The following GLIS3 variants were observed in gnomAD, a reference collection of about 807,000 sequenced individuals.
GLIS3 encodes the protein zinc finger protein GLIS3.
A neutral mutation model predicts 78.6 loss-of-function variants in GLIS3; 53 were observed. That is an observed-to-expected ratio of 0.67 (90% confidence interval 0.54 to 0.85). The LOEUF (loss-of-function observed/expected upper bound fraction) is 0.85, where lower values mean the gene tolerates loss of function less well. Among genes scored for constraint, GLIS3 ranks in the 40% least tolerant of loss-of-function variants. GLIS3 has a pLI of 0.00. For missense variants in GLIS3, 1,703 were observed against 1,231.1 expected (o/e 1.38, Z -5.74); for synonymous variants, 684 against 509.9 (o/e 1.34, Z -4.60).
the GLIS3 span, among the ~76,000 whole-genome samples, chr9:4,397,391 A>G: frequency 1.5e-3 from 221 of 151,678 alleles, no homozygotes; most frequent in Admixed American, 2.7e-3. Context: ...AAGTTTGAAG[A>G]TATTTTCCAA....
chr9:4,300,657 C>G (rs561144377), upstream of GLIS3, among the ~76,000 whole-genome samples: 18 of 152,130 alleles, frequency 1.2e-4, no homozygotes, highest in Non-Finnish European at 2.2e-4. Context: ...TATGTTACGT[C>G]TATAAAGTGG....
At chr9:4,073,607 T>C (rs1827800851) in intron 4 of GLIS3, among the ~76,000 whole-genome samples, 1 of 152,124 alleles carries the variant, frequency 6.6e-6, no homozygotes, top group Non-Finnish European at 1.5e-5. Flanking sequence ...TGGTGGTTCA[T>C]GAAAAGGCGG....
intron 4 of GLIS3, among the ~76,000 whole-genome samples, chr9:4,091,151 T>C (rs1336709168): frequency 6.6e-6 from 1 of 152,048 alleles, no homozygotes; most frequent in Non-Finnish European, 1.5e-5. Context: ...GTCCAGGAGG[T>C]GGAGACCAGC....
the GLIS3 span, among the ~76,000 whole-genome samples, chr9:4,394,968 A>G: frequency 6.6e-6 from 1 of 152,242 alleles, no homozygotes; most frequent in African/African-American, 2.4e-5. Context: ...TATGAGTGCT[A>G]TTCTTGCACT....
chr9:4,154,447 T>A (rs1834904691), intron 2 of GLIS3, among the ~76,000 whole-genome samples: 1 of 152,230 alleles, frequency 6.6e-6, no homozygotes, highest in South Asian at 2.1e-4. Flanking sequence ...TTACTTCATT[T>A]TAGGATGCAG....
intron 2 of GLIS3, among the ~76,000 whole-genome samples, chr9:4,272,995 A>C (rs1826655406): frequency 6.6e-6 from 1 of 152,242 alleles, no homozygotes; most frequent in Non-Finnish European, 1.5e-5. Flanking sequence ...ACTTTATTTC[A>C]CCTCAGTGCA....
At chr9:4,020,297 G>T (rs984087336) in intron 4 of GLIS3, among the ~76,000 whole-genome samples, 2 of 151,778 alleles carry the variant, frequency 1.3e-5, no homozygotes, top group African/African-American at 4.8e-5. Flanking sequence ...TGTTTGTTTT[G>T]TTTTTTTTGT....
chr9:4,338,367 TACAC>T (rs556724177), intron 2 of GLIS3, among the ~76,000 whole-genome samples: 8 of 131,716 alleles, frequency 6.1e-5, no homozygotes, highest in South Asian at 2.6e-4. Context: ...TATATGTGTG[TACAC>T]ACACACACAC....
chr9:4,093,687 G>C lies in GLIS3; in HGVS notation c.1710+24081C>G, dbSNP rs151044612. On this transcript the variant is annotated intron_variant, in intron 4 of 10. Coordinates refer to ENST00000381971, the MANE Select transcript of GLIS3 (RefSeq NM_001042413.2). ...CTTATCACAGGACAAGGCACCTTCA[G>C]CTTCCTTGCTAACCCACTGGCTGAG... 4.6e-5 allele frequency among the ~76,000 whole-genome samples: 7 copies of C among 152,314 alleles called. No individual in the cohort carries two copies. In the East Asian group the frequency reaches 1.3e-3, roughly 29 times the overall value.
At chr9:4,414,748 C>T in the GLIS3 span, among the ~76,000 whole-genome samples, 20 of 152,124 alleles carry the variant, frequency 1.3e-4, no homozygotes, top group South Asian at 4.2e-4. Context: ...TTGTTTTAGC[C>T]AGACTCTCCC....
the GLIS3 span, among the ~76,000 whole-genome samples, chr9:4,381,718 ATCCTG>A: frequency 1.3e-5 from 2 of 152,034 alleles, no homozygotes; most frequent in Non-Finnish European, 2.9e-5. Context: ...ACCTTATTCC[ATCCTG>A]TCTGTATTGC....
the GLIS3 span, among the ~76,000 whole-genome samples, chr9:4,437,420 G>GTATC: frequency 0.075 from 9,504 of 126,818 alleles, 337 homozygotes; most frequent in Middle Eastern, 0.1. Flanking sequence ...ATGTATGTAT[G>GTATC]TATCTATCTA....
intron 2 of GLIS3, among the ~76,000 whole-genome samples, chr9:4,251,211 T>C (rs910294165): frequency 2.6e-5 from 4 of 152,158 alleles, no homozygotes; most frequent in Non-Finnish European, 4.4e-5. Context: ...TGTGCTGTTA[T>C]AGTCTCCCAC....
chr9:3,923,414 A>G (rs906248907), intron 6 of GLIS3, among the ~76,000 whole-genome samples: 6 of 152,186 alleles, frequency 3.9e-5, no homozygotes, highest in African/African-American at 1.4e-4. Context: ...GAGCATAGAG[A>G]CGAATATAGT....
chr9:4,470,736 G>C, the GLIS3 span, among the ~76,000 whole-genome samples: 5 of 152,002 alleles, frequency 3.3e-5, no homozygotes, highest in Non-Finnish European at 2.9e-5. Context: ...TCAACATAGT[G>C]TTGGAAGTTC....
chr9:4,405,674 A>G, the GLIS3 span, among the ~76,000 whole-genome samples: 1 of 152,156 alleles, frequency 6.6e-6, no homozygotes, highest in Non-Finnish European at 1.5e-5. Flanking sequence ...ACCCTACTCA[A>G]ACTGTTCTGA....
intron 8 of GLIS3, among the ~76,000 whole-genome samples, chr9:3,860,187 A>C (rs1820093750): frequency 6.9e-6 from 1 of 145,268 alleles, no homozygotes; most frequent in East Asian, 2.2e-4. Context: ...AGGCAGGAGA[A>C]TGGCGTGAAT....
In GLIS3 at chr9:3,826,187, T is replaced by C. The variant is rs1817717129; in HGVS notation, c.*2085A>G. 1 of 152,266 alleles carries C rather than the reference T, an allele frequency of 6.6e-6. No individual in the cohort carries two copies. The highest frequency in any genetic ancestry group is 2.4e-5 in the African/African-American group (1 of 41,486). The allele number at this position is 152,266 out of a possible 1,614,324, so 9.4% of individuals were successfully genotyped here. Reference sequence around the variant, plus strand: ...TGCCTTTTCATCTTTTTTCTCATTGTACAAATGAAATGAAATGTATTTTGA... The same window carrying C: ...TGCCTTTTCATCTTTTTTCTCATTGCACAAATGAAATGAAATGTATTTTGA... On this transcript the variant is annotated 3_prime_UTR_variant, in exon 11 of 11. Coordinates refer to ENST00000381971, the MANE Select transcript of GLIS3 (RefSeq NM_001042413.2).
chr9:4,389,325 C>T, the GLIS3 span, among the ~76,000 whole-genome samples: 1 of 152,188 alleles, frequency 6.6e-6, no homozygotes, highest in Non-Finnish European at 1.5e-5. Flanking sequence ...ATGAATATCT[C>T]TTCCCCTTCA....
Sources: gnomAD v4.1 joint callset for allele counts (sites outside exome capture counted in the v4.1 genomes callset) on GRCh38, gnomAD v4.1.1 for gene constraint, MANE v1.5 for transcripts, NCBI Gene and HGNC (gene_info 2026-07-23, HGNC 2026-07-21) for gene names.